Variants in RASA2 observed in about 807,000 individuals in gnomAD.
RASA2 encodes RAS p21 protein activator 2.
A neutral mutation model predicts 118.2 loss-of-function variants in RASA2; 155 were observed. That is an observed-to-expected ratio of 1.31 (90% CI 1.15 to 1.50). RASA2 has a LOEUF of 1.50. Ranked by LOEUF, RASA2 falls within the 40% of genes most tolerant of loss-of-function variation. The pLI is 0.00. For missense variants in RASA2, 1,016 were observed against 1,009.6 expected (o/e 1.01, Z -0.09); for synonymous variants, 353 against 349.1 (o/e 1.01, Z -0.12).
intron 5 of RASA2, among the ~76,000 whole-genome samples, chr3:141,549,261 C>A (rs2082534327): frequency 6.6e-6 from 1 of 152,078 alleles, no homozygotes; most frequent in Non-Finnish European, 1.5e-5. Context: ...TTCAGTTATG[C>A]CTTCTTTTTC....
rs2082128444 is a variant in RASA2 at position 141,522,642 on chromosome 3, C to A, written c.355+6211C>A. Among the ~76,000 whole-genome samples, 4 of 152,278 alleles carry A rather than the reference C, an allele frequency of 2.6e-5. No individual in the cohort carries two copies. In the South Asian group the frequency reaches 8.3e-4, roughly 32 times the overall value. Reference sequence around the variant, plus strand: ...CATGAATAGTGAAGTATAAGTCCTGCAAGCTTATCAGCATCTGGAGACATT... The same window carrying A: ...CATGAATAGTGAAGTATAAGTCCTGAAAGCTTATCAGCATCTGGAGACATT... On this transcript the variant is annotated intron_variant, in intron 3 of 23. Coordinates refer to ENST00000286364, the MANE Select transcript of RASA2 (RefSeq NM_006506.5).
At chr3:141,509,154 T>A (rs2081912605) in intron 1 of RASA2, among the ~76,000 whole-genome samples, 1 of 152,220 alleles carries the variant, frequency 6.6e-6, no homozygotes, top group Non-Finnish European at 1.5e-5. Flanking sequence ...GGGCATTGAT[T>A]AGATGAATTA....
intron 3 of RASA2, among the ~76,000 whole-genome samples, chr3:141,529,024 A>G (rs2082221939): frequency 6.6e-6 from 1 of 151,986 alleles, no homozygotes; most frequent in Non-Finnish European, 1.5e-5. Flanking sequence ...CAAATATTTT[A>G]TTATAAGAAC....
chr3:141,610,811 A>G (rs1456408384), intron 23 of RASA2, among the ~76,000 whole-genome samples: 9 of 152,052 alleles, frequency 5.9e-5, no homozygotes, highest in Admixed American at 5.2e-4. Flanking sequence ...TTAATGTTAC[A>G]TTCAGTTGTA....
intron 1 of RASA2, among the ~76,000 whole-genome samples, chr3:141,505,257 C>G (rs997142880): frequency 6.6e-6 from 1 of 152,204 alleles, no homozygotes; most frequent in African/African-American, 2.4e-5. Context: ...TTTTTATTCA[C>G]TGTTATATCC....
chr3:141,590,620 C>G (rs1178687908), intron 19 of RASA2, among the ~76,000 whole-genome samples: 1 of 152,218 alleles, frequency 6.6e-6, no homozygotes, highest in Non-Finnish European at 1.5e-5. Flanking sequence ...CTGCTGTTTT[C>G]TAGGTAGCCA....
At chr3:141,580,928 C>T (rs1177465430) in intron 16 of RASA2, among the ~76,000 whole-genome samples, 172 bp from the exon 17 acceptor site, 2 of 151,974 alleles carry the variant, frequency 1.3e-5, no homozygotes, top group East Asian at 1.9e-4. Flanking sequence ...CTGCCTGCTT[C>T]GGCCATAATC....
At chr3:141,593,534 C>A (rs973723071) in intron 19 of RASA2, among the ~76,000 whole-genome samples, 15 of 152,096 alleles carry the variant, frequency 9.9e-5, no homozygotes, top group African/African-American at 3.6e-4. Flanking sequence ...CATGTGAACT[C>A]CTCTGAAATA....
rs1487781489 is a variant in RASA2, at chr3:141,581,037, C to T, written c.1675-63C>T. The T allele has an allele frequency of 1.3e-5, 18 of 1,413,828 alleles. 1 individual carries two copies. In the South Asian group the frequency reaches 2.4e-4, roughly 19 times the overall value. 87.6% of individuals were successfully genotyped at this position (1,413,828 alleles called of 1,614,324 possible). A position where few individuals can be genotyped will look rare whatever the true frequency, so the allele number is the denominator to read the frequency against. ...GGCCTTAATCCTCAGCTTAAAAATA[C>T]AGTCCATTCTATTCTTAATTCTCTA... On this transcript the variant is annotated intron_variant, in intron 16 of 23. Coordinates refer to ENST00000286364, the MANE Select transcript of RASA2 (RefSeq NM_006506.5).
chr3:141,517,739 C>T (rs546715669), intron 3 of RASA2, among the ~76,000 whole-genome samples: 118 of 152,172 alleles, frequency 7.8e-4, no homozygotes, highest in African/African-American at 2.6e-3. Context: ...CTGCAAGCTC[C>T]GCCTCCTGGG....
intron 1 of RASA2, among the ~76,000 whole-genome samples, chr3:141,492,549 A>G (rs1047623514): frequency 6.6e-5 from 10 of 152,244 alleles, no homozygotes; most frequent in African/African-American, 2.4e-4. Flanking sequence ...GTCATTAATG[A>G]CAATGACTTT....
At chr3:141,610,726 A>G (rs906729439) in intron 23 of RASA2, among the ~76,000 whole-genome samples, 5 of 151,786 alleles carry the variant, frequency 3.3e-5, no homozygotes, top group African/African-American at 1.2e-4. Context: ...CCTGACCTCC[A>G]GCGATCCTCC....
At chr3:141,546,499 T>C (rs2082487740) in intron 5 of RASA2, among the ~76,000 whole-genome samples, 1 of 152,222 alleles carries the variant, frequency 6.6e-6, no homozygotes, top group Admixed American at 6.5e-5. Flanking sequence ...TTTTGAGAAA[T>C]ATTTATTCAG....
rs2082946518 is a variant in RASA2, at chr3:141,572,849, A to G, written c.1284+126A>G. On this transcript the variant is annotated intron_variant, in intron 12 of 23. Coordinates refer to ENST00000286364, the MANE Select transcript of RASA2 (RefSeq NM_006506.5). ...ACTGAAAAAATAGACTGAACACTTTAGAAGCAAATTATTTACTTCTCTGTC... is the reference window on the plus strand; with the variant it reads ...ACTGAAAAAATAGACTGAACACTTTGGAAGCAAATTATTTACTTCTCTGTC... 3.3e-5 allele frequency: 25 copies of G among 757,376 alleles called. No individual in the cohort carries two copies. The South Asian group carries it at 4.8e-4, about 15-fold the overall frequency. The allele number at this position is 757,376 out of a possible 1,614,324, so 46.9% of individuals were successfully genotyped here.
intron 7 of RASA2, 149 bp from the exon 8 acceptor site, chr3:141,558,737 C>T: frequency 3.2e-6 from 2 of 630,826 alleles, no homozygotes; most frequent in East Asian, 2.9e-5. Context: ...TCCATAGTTG[C>T]TTTTATATTC....
At chr3:141,543,704 C>T (rs2082438252) in intron 5 of RASA2, among the ~76,000 whole-genome samples, 1 of 151,762 alleles carries the variant, frequency 6.6e-6, no homozygotes, top group African/African-American at 2.4e-5. Context: ...TCTTTTCTTT[C>T]CACATTTGAA....
At chr3:141,609,399 A>G (rs1452561178) in intron 21 of RASA2, 21 bp from the exon 22 acceptor site, 9 of 1,389,160 alleles carry the variant, frequency 6.5e-6, no homozygotes, top group Non-Finnish European at 8.8e-6. Flanking sequence ...TAATATCTTT[A>G]TTTTTTTATT....
At chr3:141,574,619 A>G (rs1211670424) in intron 14 of RASA2, among the ~76,000 whole-genome samples, 1 of 152,248 alleles carries the variant, frequency 6.6e-6, no homozygotes, top group Non-Finnish European at 1.5e-5. Context: ...CTTTATACAA[A>G]GAGCAAATCA....
intron 19 of RASA2, among the ~76,000 whole-genome samples, chr3:141,601,203 G>A (rs527997662): frequency 6.6e-6 from 1 of 152,292 alleles, no homozygotes; most frequent in African/African-American, 2.4e-5. Flanking sequence ...GCGGCAGACA[G>A]ATTGCCTGAT....
Sources: allele counts gnomAD v4.1 joint callset (sites outside exome capture counted in the v4.1 genomes callset), GRCh38; gene constraint gnomAD v4.1.1; transcripts MANE v1.5; gene names NCBI Gene and HGNC (gene_info 2026-07-23, HGNC 2026-07-21).